The following PIK3R1 variants were observed in gnomAD, a reference collection of about 807,000 sequenced individuals.
PIK3R1 encodes phosphoinositide-3-kinase regulatory subunit 1.
A neutral mutation model predicts 98.0 loss-of-function variants in PIK3R1; 29 were observed. The observed-to-expected ratio is 0.30, with a 90% CI of 0.22 to 0.40. The LOEUF (loss-of-function observed/expected upper bound fraction) is 0.40, where lower values mean the gene tolerates loss of function less well. Ranked by LOEUF, PIK3R1 falls within the 10% of genes least tolerant of loss-of-function variation. The pLI is 1.00. For missense variants in PIK3R1, 596 were observed against 872.7 expected (o/e 0.68, Z 3.99); for synonymous variants, 282 against 311.8 (o/e 0.90, Z 1.01).
chr5:68,298,037 G>A lies in PIK3R1; in HGVS notation c.*436G>A, dbSNP rs993860503. On this transcript the variant is annotated 3_prime_UTR_variant, in exon 16 of 16. Coordinates refer to ENST00000521381, the MANE Select transcript of PIK3R1 (RefSeq NM_181523.3). ...CCCTGGCCTGAGAAGGTTTGGTCCA[G>A]CCTGGTTTAGCCTGGATGTTGCTGT... 1 of 233,650 alleles carries A rather than the reference G, an allele frequency of 4.3e-6. No homozygotes were observed. Among genetic ancestry groups the A allele is most frequent in the African/African-American group, 2.2e-5 (1 of 45,210 alleles). The allele number at this position is 233,650 out of a possible 1,614,324, so 14.5% of individuals were successfully genotyped here.
chr5:68,295,712 C>G (rs1747676621), intron 14 of PIK3R1: 8 of 569,198 alleles, frequency 1.4e-5, no homozygotes, highest in Middle Eastern at 9.2e-4. Flanking sequence ...AAACAACTCT[C>G]TGTGTCCATA....
chr5:68,298,378 GT>G lies in PIK3R1; in HGVS notation c.*781del. 4.3e-6 allele frequency: 1 copy of G among 233,222 alleles called. No homozygotes were observed. The highest frequency in any genetic ancestry group is 8.5e-6 in the Non-Finnish European group (1 of 117,834). 14.4% of individuals were successfully genotyped at this position (233,222 alleles called of 1,614,324 possible). On this transcript the variant is annotated 3_prime_UTR_variant, in exon 16 of 16. Coordinates refer to ENST00000521381, the MANE Select transcript of PIK3R1 (RefSeq NM_181523.3). ...ATCAATACCAAATAGCTTCTGTTTT[GT>G]TTTGCTGAAGGCTAAATTCACAGCG...
At chr5:68,254,812 T>C (rs1282031804) in intron 2 of PIK3R1, among the ~76,000 whole-genome samples, 1 of 148,892 alleles carries the variant, frequency 6.7e-6, no homozygotes, top group African/African-American at 2.5e-5. Context: ...GTAGATTGCA[T>C]CAGTACAGTC....
At position 68,297,398 on chromosome 5, in the gene PIK3R1, TCTCTC is replaced by T; in HGVS notation, c.1986-8_1986-4del. On this transcript the variant is annotated splice_polypyrimidine_tract_variant and intron_variant, in intron 15 of 15. Transcript: ENST00000521381. The stretch of plus-strand genomic sequence containing the variant: ...GACAAGCTCAAAAGACAGTTTTTCT[TCTCTC>T]CTCTCTAGGGTGGACGGCGAAGTAA... 6.2e-7 allele frequency: 1 copy of T among 1,600,570 alleles called. No individual in the cohort carries two copies. The highest frequency in any genetic ancestry group is 8.5e-7 in the Non-Finnish European group (1 of 1,173,106).
chr5:68,226,753 G>T lies in PIK3R1; in HGVS notation c.78G>T (p.Leu26Phe), dbSNP rs1001383254. ...KEREEDIDLH[L>F]GDILTVNKGS... ...GAGAAGAAGATATTGACTTGCACTT[G>T]GGTGACATATTGACTGTGAATAAAG... Residue 26 changes from leucine (L) to phenylalanine (F), a missense_variant, in exon 2 of 16, where the codon TTG (leucine) becomes TTT (phenylalanine). By Grantham distance (22) the Leu-to-Phe change is conservative. Around this residue, in one of 3 missense-constraint regions of PIK3R1, gnomAD observed 352 missense variants for 393.3 expected, o/e 0.90. Coordinates refer to ENST00000521381, the MANE Select transcript of PIK3R1 (RefSeq NM_181523.3). 1 of 1,613,998 alleles carries T rather than the reference G, an allele frequency of 6.2e-7. No individual in the cohort carries two copies. Among genetic ancestry groups the T allele is most frequent in the African/African-American group, 1.3e-5 (1 of 74,912 alleles).
intron 3 of PIK3R1, 102 bp from the exon 4 acceptor site, chr5:68,273,837 C>T (rs995351236): frequency 3.9e-5 from 34 of 875,256 alleles, no homozygotes; most frequent in Non-Finnish European, 5.4e-5. Context: ...ACATCTAGAA[C>T]AGATACTGGA....
In PIK3R1 at chr5:68,226,688, G is replaced by A; in HGVS notation, c.13G>A (p.Gly5Arg). MSAE[G>R]YQYRALYDYK... ...CAGATTTGCAAACATGAGTGCTGAG[G>A]GGTACCAGTACAGAGCGCTGTATGA... The change falls in exon 2 of 16, where the codon GGG becomes AGG. Residue 5 changes from glycine (G) to arginine (R), a missense_variant. Gly to Arg is a moderately radical substitution (Grantham distance 125, BLOSUM62 -2). Transcript: ENST00000521381. 6.2e-7 allele frequency: 1 copy of A among 1,613,108 alleles called. No individual in the cohort carries two copies. Among genetic ancestry groups the A allele is most frequent in the Non-Finnish European group, 8.5e-7 (1 of 1,179,442 alleles).
chr5:68,244,046 A>T lies in PIK3R1; in HGVS notation c.334+17037A>T, dbSNP rs557518507. The stretch of plus-strand genomic sequence containing the variant: ...TACATTAATTATATTTTCTACTAAG[A>T]TTAAATTGCAGATGGATATAAGCAG... On this transcript the variant is annotated intron_variant, in intron 2 of 15. Transcript: ENST00000521381. Among the ~76,000 whole-genome samples the T allele has an allele frequency of 2.6e-5, 4 of 152,348 alleles. No homozygotes were observed. The East Asian group carries it at 7.7e-4, about 29-fold the overall frequency.
rs771348891 is a variant in PIK3R1 at position 68,281,050 on chromosome 5, T to A, written c.916+44T>A. ...TTAACATTCTCTCATTGTTCATTTT[T>A]TAGAGCCTTAAAAAATGATGGCTAT... On this transcript the variant is annotated intron_variant, in intron 7 of 15. Transcript: ENST00000521381. 4 of 1,337,586 alleles carry A rather than the reference T, an allele frequency of 3.0e-6. 1 individual carries two copies. In the South Asian group the frequency reaches 5.1e-5, roughly 17 times the overall value. 82.9% of individuals were successfully genotyped at this position (1,337,586 alleles called of 1,614,324 possible). A position where few individuals can be genotyped will look rare whatever the true frequency, so the allele number is the denominator to read the frequency against.
In PIK3R1 at chr5:68,301,053, C is replaced by T; in HGVS notation, c.*3452C>T. 1 of 231,896 alleles carries T rather than the reference C, an allele frequency of 4.3e-6. No homozygotes were observed. The highest frequency in any genetic ancestry group is 6.1e-5 in the East Asian group (1 of 16,312). The allele number at this position is 231,896 out of a possible 1,614,324, so 14.4% of individuals were successfully genotyped here. On this transcript the variant is annotated 3_prime_UTR_variant, in exon 16 of 16. Transcript: ENST00000521381. ...ATGTTCCTTTGGAAGAAAAAATCTG[C>T]TGGTTTTAACAACTGTGCTTTTGCT...
intron 7 of PIK3R1, among the ~76,000 whole-genome samples, chr5:68,282,092 G>A (rs1746870289): frequency 6.6e-6 from 1 of 152,154 alleles, no homozygotes; most frequent in Non-Finnish European, 1.5e-5. Context: ...ATCCGGTATA[G>A]TAGATAAGGC....
rs1744288263 is a variant in PIK3R1, at chr5:68,226,701, G to A, written c.26G>A (p.Arg9Lys). The A allele has an allele frequency of 6.2e-7, 1 of 1,613,922 alleles. No individual in the cohort carries two copies. Among genetic ancestry groups the A allele is most frequent in the South Asian group, 1.1e-5 (1 of 91,086 alleles). The change falls in exon 2 of 16, where the codon AGA becomes AAA. Residue 9 changes from arginine to lysine, a missense_variant. Transcript: ENST00000521381. ...ATGAGTGCTGAGGGGTACCAGTACAGAGCGCTGTATGATTATAAAAAGGAA... is the reference window on the plus strand; with the variant it reads ...ATGAGTGCTGAGGGGTACCAGTACAAAGCGCTGTATGATTATAAAAAGGAA... MSAEGYQY[R>K]ALYDYKKERE...
chr5:68,273,460 C>T lies in PIK3R1; in HGVS notation c.405C>T (p.Leu135=), dbSNP rs758397455. 11 of 1,613,840 alleles carry T rather than the reference C, an allele frequency of 6.8e-6. No individual in the cohort carries two copies. The Admixed American group carries it at 1.0e-4, about 15-fold the overall frequency. The change falls in exon 3 of 16, where the codon CTC becomes CTT. Residue 135 remains leucine (L), a synonymous_variant. Coordinates refer to ENST00000521381, the MANE Select transcript of PIK3R1 (RefSeq NM_181523.3). ...TTGCCCCGCCTCTTCTTATCAAGCT[C>T]GTGGAAGCCATTGAAAAGAAAGGTA... The part of the protein sequence containing the change: ...PDIAPPLLIK[L]VEAIEKKGLE...
chr5:68,269,314 C>A (rs1746253487), intron 2 of PIK3R1, among the ~76,000 whole-genome samples: 1 of 152,190 alleles, frequency 6.6e-6, no homozygotes, highest in Admixed American at 6.5e-5. Flanking sequence ...ATACACTGTG[C>A]TACAGCAAGC....
chr5:68,244,238 C>T (rs901248515), intron 2 of PIK3R1, among the ~76,000 whole-genome samples: 1 of 152,006 alleles, frequency 6.6e-6, no homozygotes, highest in Non-Finnish European at 1.5e-5. Context: ...TTGTATGGAG[C>T]GTATTTGCAT....
chr5:68,218,689 A>G (rs1215554887), intron 1 of PIK3R1, among the ~76,000 whole-genome samples: 1 of 152,212 alleles, frequency 6.6e-6, no homozygotes, highest in Non-Finnish European at 1.5e-5. Context: ...ACGTCAAGGC[A>G]TACACAATGC....
At chr5:68,219,570 T>A (rs1333448206) in intron 1 of PIK3R1, among the ~76,000 whole-genome samples, 1 of 152,242 alleles carries the variant, frequency 6.6e-6, no homozygotes, top group East Asian at 1.9e-4. Context: ...CCTTGGCCTC[T>A]CCCAGGCCTC....
chr5:68,229,999 G>C (rs1385366296), intron 2 of PIK3R1, among the ~76,000 whole-genome samples: 3 of 152,194 alleles, frequency 2.0e-5, no homozygotes, highest in Non-Finnish European at 4.4e-5. Flanking sequence ...TTTTGTGCTG[G>C]AAAGCAAAGA....
At chr5:68,231,865 G>C (rs181157323) in intron 2 of PIK3R1, among the ~76,000 whole-genome samples, 6 of 152,128 alleles carry the variant, frequency 3.9e-5, no homozygotes, top group African/African-American at 9.7e-5. Context: ...CCAATTTATG[G>C]TGCTGACTGC....
Sources: gnomAD v4.1 joint callset for allele counts (sites outside exome capture counted in the v4.1 genomes callset) on GRCh38, gnomAD v4.1.1 for gene constraint, gnomAD v4.1.1 regional missense constraint, MANE v1.5 for transcripts, NCBI Gene and HGNC (gene_info 2026-07-23, HGNC 2026-07-21) for gene names.